IQCH: variants seen among roughly 807,000 people sequenced by gnomAD.
IQCH encodes the protein IQ domain-containing protein H.
In IQCH, 98 loss-of-function variants were observed where a neutral mutation model predicts 117.0. That is an observed-to-expected ratio of 0.84 (90% CI 0.71 to 0.99). The LOEUF is 0.99. Among genes scored for constraint, IQCH ranks in the 50% least tolerant of loss-of-function variants. The probability of loss-of-function intolerance (pLI) is 0.00; values close to 1 mark genes in which losing one functional copy is unlikely to be tolerated. For synonymous variants in IQCH, 412 were observed against 448.2 expected (o/e 0.92, Z 1.02); for missense variants, 1,102 against 1,243.8 (o/e 0.89, Z 1.72).
chr15:67,452,791 G>A (rs1367567537), intron 16 of IQCH, among the ~76,000 whole-genome samples: 1 of 152,240 alleles, frequency 6.6e-6, no homozygotes, highest in Non-Finnish European at 1.5e-5. Flanking sequence ...GATTGGGGAA[G>A]TTCTCCTGGA....
intron 4 of IQCH, among the ~76,000 whole-genome samples, chr15:67,284,792 T>C (rs1397087774): frequency 6.6e-6 from 1 of 152,168 alleles, no homozygotes; most frequent in Non-Finnish European, 1.5e-5. Flanking sequence ...ATGGTCTCAT[T>C]CCTTTTATGG....
intron 17 of IQCH, among the ~76,000 whole-genome samples, chr15:67,470,278 G>A (rs528058866): frequency 9.9e-5 from 15 of 152,220 alleles, no homozygotes; most frequent in African/African-American, 3.6e-4. Context: ...TCACGCCCAG[G>A]TTCATACTCC....
Position 67,458,020 on chromosome 15 carries a change from C to G in IQCH, c.2506-7107C>G, listed in dbSNP as rs1359650336. ...CACCAATCCAGGAGAATCTTGAGCC[C>G]CAGGCCCAGAAGTGAGAGCAGAGAA... On this transcript the variant is annotated intron_variant, in intron 16 of 20. Coordinates refer to ENST00000335894, the MANE Select transcript of IQCH (RefSeq NM_001031715.3). The surrounding 1 kb of genome is among the most constrained non-coding windows in gnomAD (Gnocchi z 4.1). Among the ~76,000 whole-genome samples the G allele has an allele frequency of 6.6e-6, 1 of 152,180 alleles. No homozygotes were observed. The highest frequency in any genetic ancestry group is 1.9e-4 in the East Asian group (1 of 5,202).
rs1366204152 is a variant in IQCH at position 67,391,861 on chromosome 15, T to C, written c.1632+2855T>C. Among the ~76,000 whole-genome samples the C allele has an allele frequency of 1.1e-4, 17 of 152,160 alleles. No individual in the cohort carries two copies. ...CAGATGACTATAATACAGAGTTGGG[T>C]AGAGTACTTGCCAATAGAAACACGC... is the stretch of plus-strand genomic sequence containing the variant. On this transcript the variant is annotated intron_variant, in intron 12 of 20. Transcript: ENST00000335894. This position sits in a 1 kb window ranked among gnomAD's most constrained non-coding sequence, Gnocchi z 4.3.
At chr15:67,329,946 A>G (rs1163965313) in intron 4 of IQCH, among the ~76,000 whole-genome samples, 1 of 152,148 alleles carries the variant, frequency 6.6e-6, no homozygotes, top group Non-Finnish European at 1.5e-5. Context: ...GATTAAATAC[A>G]ACCATAATTA....
intron 6 of IQCH, among the ~76,000 whole-genome samples, chr15:67,347,562 A>G (rs935217059): frequency 6.6e-6 from 1 of 151,906 alleles, no homozygotes; most frequent in Non-Finnish European, 1.5e-5. Flanking sequence ...AAATGATACC[A>G]TATGGCATCA....
intron 18 of IQCH, among the ~76,000 whole-genome samples, chr15:67,484,337 T>A (rs1481350688): frequency 5.9e-5 from 9 of 151,570 alleles, no homozygotes; most frequent in Non-Finnish European, 1.3e-4. Flanking sequence ...GCCTGGGAAG[T>A]CGAGGCTACA....
At chr15:67,367,664 G>A (rs1180292941) in intron 8 of IQCH, among the ~76,000 whole-genome samples, 1 of 152,076 alleles carries the variant, frequency 6.6e-6, no homozygotes, top group Non-Finnish European at 1.5e-5. Flanking sequence ...TTAGTAAGGA[G>A]CCATATGGAG....
In IQCH at chr15:67,364,606, T is replaced by C. The variant is rs892787064; in HGVS notation, c.753+4721T>C. On this transcript the variant is annotated intron_variant, in intron 8 of 20. Coordinates refer to ENST00000335894, the MANE Select transcript of IQCH (RefSeq NM_001031715.3). This position sits in a 1 kb window ranked among gnomAD's most constrained non-coding sequence, Gnocchi z 4.1. ...AACAAGATAATCTGTATTTTTTCAC[T>C]TTATCTCTTTCATTGATCAATTGTG... Among the ~76,000 whole-genome samples, 3 of 152,202 alleles carry C rather than the reference T, an allele frequency of 2.0e-5. No individual in the cohort carries two copies. Among genetic ancestry groups the C allele is most frequent in the Non-Finnish European group, 2.9e-5 (2 of 68,022 alleles).
At chr15:67,428,319 G>A (rs2081939310) in intron 16 of IQCH, among the ~76,000 whole-genome samples, 1 of 152,110 alleles carries the variant, frequency 6.6e-6, no homozygotes, top group Non-Finnish European at 1.5e-5. Context: ...TAAATGCAGA[G>A]TTAAAAGAAC....
At chr15:67,371,309 G>T in intron 8 of IQCH, 1 of 351,556 alleles carries the variant, frequency 2.8e-6, no homozygotes, top group Non-Finnish European at 5.2e-6. Flanking sequence ...AAAAAAAATT[G>T]CTCAGCATCC....
intron 7 of IQCH, among the ~76,000 whole-genome samples, chr15:67,358,392 C>T (rs892874798): frequency 4.0e-5 from 6 of 150,356 alleles, no homozygotes; most frequent in Admixed American, 2.7e-4. Flanking sequence ...AACAAGGTTT[C>T]GCTATGTTGG....
rs950405998 is a variant in IQCH at position 67,406,548 on chromosome 15, A to T, written c.2097+6243A>T. The T allele has an allele frequency of 4.0e-5, 6 of 151,802 alleles. No homozygotes were observed. Among genetic ancestry groups the T allele is most frequent in the Non-Finnish European group, 5.9e-5 (4 of 67,944 alleles). 9.4% of individuals were successfully genotyped at this position (151,802 alleles called of 1,614,324 possible). On this transcript the variant is annotated intron_variant, in intron 14 of 20. Coordinates refer to ENST00000335894, the MANE Select transcript of IQCH (RefSeq NM_001031715.3). This position sits in a 1 kb window ranked among gnomAD's most constrained non-coding sequence, Gnocchi z 4.5. ...TAAAAGCAGAAACACCCTGTTTTTT[A>T]AAAAAATAAGCAACCAAATATTTTG...
chr15:67,477,804 C>T (rs972681893), intron 18 of IQCH, among the ~76,000 whole-genome samples: 2 of 152,176 alleles, frequency 1.3e-5, no homozygotes, highest in East Asian at 3.8e-4. Context: ...CTGCCCTTCC[C>T]CCCACACAAA....
chr15:67,374,384 T>C (rs1315308094), intron 10 of IQCH, among the ~76,000 whole-genome samples: 1 of 152,234 alleles, frequency 6.6e-6, no homozygotes, highest in Non-Finnish European at 1.5e-5. Flanking sequence ...TGTAACAGAA[T>C]GCTGGATTGC....
In IQCH at chr15:67,368,090, A is replaced by T. The variant is rs866842958; in HGVS notation, c.754-4021A>T. ...CAGGGACCTCTCATTTTTACAGATA[A>T]GGAAATTTAGGTTCAGAGGGTGTAG... On this transcript the variant is annotated intron_variant, in intron 8 of 20. Transcript: ENST00000335894. Among the ~76,000 whole-genome samples the T allele has an allele frequency of 3.9e-5, 6 of 152,306 alleles. No individual in the cohort carries two copies. In the South Asian group the frequency reaches 1.0e-3, roughly 26 times the overall value.
At position 67,395,276 on chromosome 15, in the gene IQCH, A is replaced by G. The variant is rs981899331; in HGVS notation, c.1633-15A>G. 25 of 1,605,264 alleles carry G rather than the reference A, an allele frequency of 1.6e-5. No individual in the cohort carries two copies. Among genetic ancestry groups the G allele is most frequent in the African/African-American group, 1.2e-4 (9 of 74,480 alleles). On this transcript the variant is annotated splice_polypyrimidine_tract_variant and intron_variant, in intron 12 of 20. Coordinates refer to ENST00000335894, the MANE Select transcript of IQCH (RefSeq NM_001031715.3). This position sits in a 1 kb window ranked among gnomAD's most constrained non-coding sequence, Gnocchi z 4.0. ...AAGGACACCTTTTAACAAGAATAATATGATCTTCCCCCAGAAGCATCATAT... is the reference window on the plus strand; with the variant it reads ...AAGGACACCTTTTAACAAGAATAATGTGATCTTCCCCCAGAAGCATCATAT...
chr15:67,492,799 G>C (rs60968216), intron 19 of IQCH, among the ~76,000 whole-genome samples: 2,343 of 152,242 alleles, frequency 0.015, 67 homozygotes, highest in African/African-American at 0.054. Context: ...GTGGGTACTC[G>C]GGCATAGAGG....
At chr15:67,451,008 T>C (rs1454986427) in intron 16 of IQCH, among the ~76,000 whole-genome samples, 3 of 152,078 alleles carry the variant, frequency 2.0e-5, no homozygotes, top group African/African-American at 7.2e-5. Context: ...AGTTTATTTG[T>C]GTAGAGGTGT....
Sources: gnomAD v4.1 joint callset for allele counts (sites outside exome capture counted in the v4.1 genomes callset) on GRCh38, gnomAD v4.1.1 for gene constraint, Gnocchi (gnomAD v3.1) non-coding constraint, MANE v1.5 for transcripts, NCBI Gene and HGNC (gene_info 2026-07-23, HGNC 2026-07-21) for gene names.